MYO5B: variants seen among roughly 807,000 people sequenced by gnomAD.
MYO5B encodes the protein myosin VB, also known as unconventional myosin-Vb.
MYO5B carries 143 observed loss-of-function variants against 229.3 expected under a neutral mutation model. The ratio of observed to expected loss-of-function variants is 0.62; its 90% CI spans 0.54 to 0.72. MYO5B has a LOEUF of 0.72. Ranked by LOEUF, MYO5B falls within the 30% of genes least tolerant of loss-of-function variation. The pLI is 0.00. For synonymous variants in MYO5B, 918 were observed against 885.2 expected (o/e 1.04, Z -0.66); for missense variants, 2,321 against 2,331.0 (o/e 1.00, Z 0.09).
At chr18:49,993,807 G>A (rs1340308179) in intron 5 of MYO5B, among the ~76,000 whole-genome samples, 1 of 152,146 alleles carries the variant, frequency 6.6e-6, no homozygotes, top group Non-Finnish European at 1.5e-5. Context: ...TTGCCAGGGT[G>A]ATTCCTCTAG....
intron 2 of MYO5B, among the ~76,000 whole-genome samples, chr18:50,042,959 T>A (rs906917915): frequency 6.6e-6 from 1 of 152,168 alleles, no homozygotes; most frequent in Non-Finnish European, 1.5e-5. Flanking sequence ...GATTCTCAGA[T>A]GAATCTCTTC....
At chr18:49,865,187 G>A (rs2024382102) in intron 27 of MYO5B, among the ~76,000 whole-genome samples, 1 of 152,144 alleles carries the variant, frequency 6.6e-6, no homozygotes, top group African/African-American at 2.4e-5. Flanking sequence ...TGGAACCAGG[G>A]GACCGCTGGG....
chr18:49,999,525 T>C (rs2026023898), intron 5 of MYO5B, among the ~76,000 whole-genome samples: 1 of 152,190 alleles, frequency 6.6e-6, no homozygotes, highest in African/African-American at 2.4e-5. Context: ...GCCAATAAGA[T>C]AGTTCATAAA....
chr18:50,123,981 T>A (rs2032113780), intron 1 of MYO5B, among the ~76,000 whole-genome samples: 1 of 152,216 alleles, frequency 6.6e-6, no homozygotes, highest in African/African-American at 2.4e-5. Context: ...CAGTGAGTCT[T>A]TTGAGTGACT....
chr18:49,919,759 T>C (rs1442847935), intron 17 of MYO5B, among the ~76,000 whole-genome samples: 1 of 152,136 alleles, frequency 6.6e-6, no homozygotes, highest in African/African-American at 2.4e-5. Context: ...TGGAAAACAA[T>C]ATGGAAGGTC....
At chr18:50,163,262 C>T (rs543015657) in intron 1 of MYO5B, among the ~76,000 whole-genome samples, 3 of 152,140 alleles carry the variant, frequency 2.0e-5, no homozygotes, top group South Asian at 2.1e-4. Context: ...GTCATGCACA[C>T]GAATTAATCC....
intron 1 of MYO5B, among the ~76,000 whole-genome samples, chr18:50,139,704 C>T (rs1437944675): frequency 1.3e-5 from 2 of 152,168 alleles, no homozygotes. Context: ...AGCGAGAATC[C>T]ATGCTTTTCC....
At chr18:50,033,385 C>A (rs181805879) in intron 4 of MYO5B, among the ~76,000 whole-genome samples, 12 of 152,134 alleles carry the variant, frequency 7.9e-5, no homozygotes, top group East Asian at 1.9e-4. Flanking sequence ...GGTCTCCAAG[C>A]GCAATTTAAA....
chr18:49,985,218 C>T (rs766944151), intron 7 of MYO5B, among the ~76,000 whole-genome samples: 3 of 152,162 alleles, frequency 2.0e-5, no homozygotes, highest in African/African-American at 4.8e-5. Context: ...AATCTCAGTC[C>T]GACAAGCTCA....
chr18:49,946,770 G>T (rs2025378112), intron 14 of MYO5B, among the ~76,000 whole-genome samples: 1 of 152,134 alleles, frequency 6.6e-6, no homozygotes, highest in African/African-American at 2.4e-5. Context: ...CTTTGGCAGT[G>T]GCAGGATCTG....
intron 17 of MYO5B, among the ~76,000 whole-genome samples, chr18:49,917,925 C>T (rs1388300025): frequency 2.6e-5 from 4 of 152,160 alleles, no homozygotes; most frequent in South Asian, 2.1e-4. Flanking sequence ...GCTCAGGACC[C>T]GTGACTGCTT....
At chr18:49,939,289 G>T (rs192423411) in intron 14 of MYO5B, among the ~76,000 whole-genome samples, 1 of 151,756 alleles carries the variant, frequency 6.6e-6, no homozygotes, top group Non-Finnish European at 1.5e-5. Context: ...GGGACTGCAG[G>T]CGTGCACTAC....
intron 1 of MYO5B, among the ~76,000 whole-genome samples, chr18:50,152,257 A>G (rs1260988968): frequency 2.0e-5 from 3 of 152,206 alleles, no homozygotes; most frequent in African/African-American, 4.8e-5. Flanking sequence ...CTAATCACAA[A>G]GCATAAGCTG....
At chr18:49,853,695 C>A in intron 30 of MYO5B, 48 bp from the exon 31 acceptor site, 1 of 1,568,078 alleles carries the variant, frequency 6.4e-7, no homozygotes, top group Non-Finnish European at 8.7e-7. Context: ...GCCAGGGCCC[C>A]CATCTGAGGG....
chr18:50,093,534 G>C (rs979874865), intron 1 of MYO5B, among the ~76,000 whole-genome samples: 1 of 152,136 alleles, frequency 6.6e-6, no homozygotes, highest in African/African-American at 2.4e-5. Context: ...TCTGGAAGAG[G>C]GGCTGGGTAA....
chr18:49,876,744 G>T (rs1246907292), intron 25 of MYO5B, among the ~76,000 whole-genome samples: 5 of 152,192 alleles, frequency 3.3e-5, no homozygotes, highest in Non-Finnish European at 5.9e-5. Flanking sequence ...AGCATCTCAA[G>T]CCAGCAGTTA....
chr18:50,013,797 C>T lies in MYO5B; in HGVS notation c.456-12386G>A, dbSNP rs562821071. On this transcript the variant is annotated intron_variant, in intron 4 of 39. Transcript: ENST00000285039. ...CGTGAGGCAGGTCAGAAAACACTCA[C>T]TTGCTTCACAGAGACGGTAAGAGTA... Among the ~76,000 whole-genome samples the T allele has an allele frequency of 2.0e-5, 3 of 152,356 alleles. No homozygotes were observed. In the South Asian group the frequency reaches 6.2e-4, roughly 32 times the overall value.
At chr18:50,189,639 T>C (rs1429820104) in intron 1 of MYO5B, among the ~76,000 whole-genome samples, 1 of 152,164 alleles carries the variant, frequency 6.6e-6, no homozygotes, top group African/African-American at 2.4e-5. Context: ...ACTAACAGCA[T>C]CTGCTGACAC....
chr18:49,957,965 T>C (rs898021839), intron 12 of MYO5B, among the ~76,000 whole-genome samples: 4 of 152,140 alleles, frequency 2.6e-5, no homozygotes, highest in Non-Finnish European at 5.9e-5. Flanking sequence ...CACTGCTCTC[T>C]AGAATGGAGG....
Sources: gnomAD v4.1 joint callset for allele counts (sites outside exome capture counted in the v4.1 genomes callset) on GRCh38, gnomAD v4.1.1 for gene constraint, MANE v1.5 for transcripts, NCBI Gene and HGNC (gene_info 2026-07-23, HGNC 2026-07-21) for gene names.